The following TRPV5 variants were observed in gnomAD, a reference collection of about 807,000 sequenced individuals.
The protein encoded by TRPV5 is transient receptor potential cation channel subfamily V member 5.
Under a neutral mutation model 74.1 loss-of-function variants are expected in TRPV5, and 66 were observed. The ratio of observed to expected loss-of-function variants is 0.89; its 90% CI spans 0.73 to 1.09. The LOEUF is 1.09. Ranked by LOEUF, TRPV5 falls within the 50% of genes least tolerant of loss-of-function variation. The pLI is 0.00. For missense variants in TRPV5, 936 were observed against 930.4 expected, an observed-to-expected ratio of 1.01 and a Z score of -0.08; for synonymous variants, 399 against 360.7, an observed-to-expected ratio of 1.11 and a Z score of -1.20.
chr7:142,914,629 T>C lies in TRPV5; in HGVS notation c.1519+11A>G, dbSNP rs1248953204. 3.7e-6 allele frequency: 6 copies of C among 1,611,834 alleles called. No individual in the cohort carries two copies. The African/African-American group carries it at 6.7e-5, about 18-fold the overall frequency. ...TCTGCTGATCTAGTAGAGGAGTGTATGGTGCCTTACCGGAGGCAAATCCCA... is the reference window on the plus strand; with the variant it reads ...TCTGCTGATCTAGTAGAGGAGTGTACGGTGCCTTACCGGAGGCAAATCCCA... On this transcript the variant is annotated intron_variant, in intron 12 of 14. Coordinates refer to ENST00000265310, the MANE Select transcript of TRPV5 (RefSeq NM_019841.7).
In TRPV5 at chr7:142,912,533, G is replaced by C; in HGVS notation, c.1737C>G (p.Gly579=). The part of the protein sequence containing the change: ...LMLNLFIAMM[G]DTHWRVAQER... ...CCTGGGCCACCCTCCAGTGGGTGTC[G>C]CCCATCATGGCGATGAACAAGTTGA... The change falls in exon 13 of 15, where the codon GGC becomes GGG. Residue 579 remains glycine, a synonymous_variant. Transcript: ENST00000265310. 1 of 1,614,200 alleles carries C rather than the reference G, an allele frequency of 6.2e-7. No homozygotes were observed. Among genetic ancestry groups the C allele is most frequent in the East Asian group, 2.2e-5 (1 of 44,882 alleles).
In TRPV5 at chr7:142,930,212, C is replaced by T. The variant is rs927652343; in HGVS notation, c.227-32G>A. The T allele has an allele frequency of 5.0e-6, 8 of 1,608,634 alleles. No homozygotes were observed. In the Admixed American group the frequency reaches 1.2e-4, roughly 24 times the overall value. On this transcript the variant is annotated intron_variant, in intron 2 of 14. Transcript: ENST00000265310. Reference sequence around the variant, plus strand: ...TGGAGTAAGACAGAGATGTTAGACACTTTTCAGATTCCCTTGAGGAAGGGG... The same window carrying T: ...TGGAGTAAGACAGAGATGTTAGACATTTTTCAGATTCCCTTGAGGAAGGGG...
intron 1 of TRPV5, among the ~76,000 whole-genome samples, chr7:142,931,547 A>T (rs534859929): frequency 2.6e-5 from 4 of 152,296 alleles, no homozygotes; most frequent in African/African-American, 9.6e-5. Flanking sequence ...GAGCCTCTCC[A>T]ACTAGACATA....
chr7:142,912,834 T>C, intron 12 of TRPV5, 84 bp from the exon 13 acceptor site: 8 of 1,043,786 alleles, frequency 7.7e-6, no homozygotes, highest in Non-Finnish European at 8.2e-6. Flanking sequence ...TTATTCTATC[T>C]CTGATCTATC....
intron 12 of TRPV5, among the ~76,000 whole-genome samples, 193 bp from the exon 13 acceptor site, chr7:142,912,943 T>G (rs1795727329): frequency 2.6e-5 from 4 of 152,202 alleles, no homozygotes. Flanking sequence ...CCTGTGGAAC[T>G]GTCTAACCCT....
At chr7:142,923,499 C>CT in intron 8 of TRPV5, among the ~76,000 whole-genome samples, 1 of 152,062 alleles carries the variant, frequency 6.6e-6, no homozygotes, top group Non-Finnish European at 1.5e-5. Flanking sequence ...CATTAGCGTT[C>CT]TTTGTTATCT....
intron 13 of TRPV5, among the ~76,000 whole-genome samples, chr7:142,911,379 G>C (rs1795702050): frequency 6.6e-6 from 1 of 152,156 alleles, no homozygotes; most frequent in African/African-American, 2.4e-5. Context: ...TTTGAGTTTG[G>C]TTTTCTGTCC....
intron 8 of TRPV5, among the ~76,000 whole-genome samples, chr7:142,920,813 T>C (rs1009111095): frequency 1.1e-4 from 16 of 152,200 alleles, no homozygotes; most frequent in Non-Finnish European, 2.4e-4. Context: ...AATCACAACA[T>C]TGGCCTCACC....
chr7:142,917,287 A>ACAT (rs1760560336), intron 8 of TRPV5, among the ~76,000 whole-genome samples: 1 of 152,196 alleles, frequency 6.6e-6, no homozygotes, highest in African/African-American at 2.4e-5. Context: ...AATAACAAAT[A>ACAT]CATTACTTCA....
At position 142,921,663 on chromosome 7, in the gene TRPV5, TC is replaced by T. The variant is rs980219915; in HGVS notation, c.1122+3865del. Among the ~76,000 whole-genome samples, 8 of 152,228 alleles carry T rather than the reference TC, an allele frequency of 5.3e-5. No individual in the cohort carries two copies. The South Asian group carries it at 1.2e-3, about 24-fold the overall frequency. ...TCCTACCACCCCCCACATCTGTTAC[TC>T]ACCATGCAAGCAGAGTAATTTTTCT... On this transcript the variant is annotated intron_variant, in intron 8 of 14. Coordinates refer to ENST00000265310, the MANE Select transcript of TRPV5 (RefSeq NM_019841.7).
rs747018798 is a variant in TRPV5 at position 142,933,403 on chromosome 7, C to A, written c.57G>T (p.Leu19=). The change falls in exon 1 of 15, where the codon CTG becomes CTT. Residue 19 remains leucine, a synonymous_variant. Transcript: ENST00000265310. The part of the protein sequence containing the change: ...EGPGSQLQKL[L]PSFLVREQDW... ...CTTGTTCTCTGACCAGAAAGGAGGG[C>A]AGAAGTTTCTGGAGTTGGCTCCCGG... The A allele has an allele frequency of 1.5e-5, 24 of 1,614,022 alleles. No individual in the cohort carries two copies. The Admixed American group carries it at 1.5e-4, about 10-fold the overall frequency.
At chr7:142,930,294 G>T in intron 2 of TRPV5, 55 bp downstream of exon 2, 3 of 1,609,296 alleles carry the variant, frequency 1.9e-6, no homozygotes, top group Non-Finnish European at 2.6e-6. Context: ...AAGTCTTGGG[G>T]AGGAGGAGTA....
chr7:142,919,525 C>T (rs555758923), intron 8 of TRPV5, among the ~76,000 whole-genome samples: 3 of 152,242 alleles, frequency 2.0e-5, no homozygotes, highest in African/African-American at 7.2e-5. Flanking sequence ...ATCAAGGTCA[C>T]CTAAGCAGGC....
chr7:142,928,541 T>G (rs1162184883), intron 6 of TRPV5, 150 bp downstream of exon 6: 1 of 1,196,952 alleles, frequency 8.4e-7, no homozygotes, highest in African/African-American at 1.6e-5. Context: ...AGTGATGGAA[T>G]AGGAAGCAAG....
intron 1 of TRPV5, among the ~76,000 whole-genome samples, chr7:142,930,800 T>C: frequency 6.6e-6 from 1 of 152,210 alleles, no homozygotes; most frequent in South Asian, 2.1e-4. Context: ...TGAGTAACTG[T>C]CTCAGATCCT....
intron 6 of TRPV5, 50 bp from the exon 7 acceptor site, chr7:142,928,284 C>T (rs201039660): frequency 3.5e-5 from 57 of 1,607,550 alleles, no homozygotes; most frequent in Admixed American, 2.7e-4. Flanking sequence ...AGAAGGTGGT[C>T]GAGGAGAACA....
intron 2 of TRPV5, 50 bp downstream of exon 2, chr7:142,930,299 G>A (rs1452586161): frequency 1.2e-6 from 2 of 1,609,108 alleles, no homozygotes; most frequent in African/African-American, 1.3e-5. Context: ...TTGGGGAGGA[G>A]GAGTAGGTTC....
chr7:142,917,752 C>T (rs966787370), intron 8 of TRPV5, among the ~76,000 whole-genome samples: 7 of 152,188 alleles, frequency 4.6e-5, no homozygotes, highest in Admixed American at 6.5e-5. Flanking sequence ...ACTCTGTCCC[C>T]GGGGTCCTTA....
chr7:142,919,278 TC>T (rs1795846600), intron 8 of TRPV5, among the ~76,000 whole-genome samples: 1 of 152,164 alleles, frequency 6.6e-6, no homozygotes, highest in Admixed American at 6.5e-5. Context: ...CAGGGATGCC[TC>T]CCTCCTACTT....
Sources: allele counts gnomAD v4.1 joint callset (sites outside exome capture counted in the v4.1 genomes callset), GRCh38; gene constraint gnomAD v4.1.1; transcripts MANE v1.5; gene names NCBI Gene and HGNC (gene_info 2026-07-23, HGNC 2026-07-21).